Variants in VCL observed in about 807,000 individuals in gnomAD.
The protein encoded by VCL is epididymis luminal protein 114.
VCL carries 47 observed loss-of-function variants against 125.7 expected under a neutral mutation model. The ratio of observed to expected loss-of-function variants is 0.37; its 90% CI spans 0.30 to 0.48. The LOEUF (loss-of-function observed/expected upper bound fraction) is 0.48. VCL is among the 20% of genes least tolerant of loss of function. VCL has a pLI of 0.99. For missense variants in VCL, 1,069 were observed against 1,455.5 expected (o/e 0.73, Z 4.32); for synonymous variants, 458 against 514.6 (o/e 0.89, Z 1.49).
At chr10:74,007,739 A>G (rs1450264333) in intron 1 of VCL, among the ~76,000 whole-genome samples, 1 of 151,830 alleles carries the variant, frequency 6.6e-6, no homozygotes, top group African/African-American at 2.4e-5. Flanking sequence ...CAAGTGATCC[A>G]CCTGCCTTGG....
rs1839839382 is a variant in VCL at position 74,089,303 on chromosome 10, T to C, written c.1130T>C (p.Met377Thr). Residue 377 changes from methionine to threonine, a missense_variant, in exon 9 of 22, where the codon ATG becomes ACG. Physicochemically the swap from Met to Thr is moderately conservative, Grantham distance 81. Around this residue, in one of 6 missense-constraint regions of VCL, gnomAD observed 760 missense variants for 928.9 expected, o/e 0.82. Transcript: ENST00000211998. ...VENAARKLEAMTNSKQSIAKK... is the reference protein window; with the variant it reads ...VENAARKLEATTNSKQSIAKK... ...AATGCAGCTCGCAAGCTGGAAGCCA[T>C]GACCAACTCAAAGCAGAGCATTGCA... 1 of 1,614,030 alleles carries C rather than the reference T, an allele frequency of 6.2e-7. No homozygotes were observed. Among genetic ancestry groups the C allele is most frequent in the Non-Finnish European group, 8.5e-7 (1 of 1,180,044 alleles).
At chr10:74,116,702 T>TAATAA (rs1295424373) in intron 21 of VCL, among the ~76,000 whole-genome samples, 9 of 144,402 alleles carry the variant, frequency 6.2e-5, no homozygotes, top group East Asian at 5.9e-4. Context: ...AAAAAAATAA[T>TAATAA]AATAAAATAA....
intron 6 of VCL, 111 bp from the exon 7 acceptor site, chr10:74,082,343 C>A: frequency 1.8e-6 from 2 of 1,142,142 alleles, no homozygotes; most frequent in Non-Finnish European, 2.6e-6. Flanking sequence ...CTTCGTAGGA[C>A]TGACTACCTT....
intron 13 of VCL, among the ~76,000 whole-genome samples, chr10:74,099,890 A>G (rs1347380930): frequency 6.6e-6 from 1 of 152,166 alleles, no homozygotes; most frequent in Non-Finnish European, 1.5e-5. Flanking sequence ...TGGCGTGGGG[A>G]AGAGACTTGA....
intron 1 of VCL, among the ~76,000 whole-genome samples, chr10:74,037,999 CT>C (rs56198344): frequency 0.45 from 57,731 of 128,456 alleles, 11,478 homozygotes; most frequent in African/African-American, 0.58. Context: ...CTTTTCTTTT[CT>C]TTTTTTTTTT....
At chr10:74,073,739 A>T (rs899300044) in intron 5 of VCL, among the ~76,000 whole-genome samples, 8 of 152,200 alleles carry the variant, frequency 5.3e-5, no homozygotes, top group African/African-American at 1.9e-4. Flanking sequence ...AGCAAAAGGG[A>T]GTAGCACTTA....
At chr10:74,051,080 C>T (rs1025315780) in intron 2 of VCL, among the ~76,000 whole-genome samples, 2 of 151,816 alleles carry the variant, frequency 1.3e-5, no homozygotes, top group African/African-American at 4.8e-5. Flanking sequence ...GCTGGGATTA[C>T]AGGCATATGC....
intron 2 of VCL, among the ~76,000 whole-genome samples, chr10:74,061,666 G>T (rs1301685978): frequency 5.3e-5 from 8 of 152,134 alleles, no homozygotes; most frequent in African/African-American, 1.7e-4. Flanking sequence ...ATATTAGGTT[G>T]CTTGGAGTTG....
intron 6 of VCL, among the ~76,000 whole-genome samples, chr10:74,082,216 A>G (rs1341318261): frequency 6.6e-6 from 1 of 152,222 alleles, no homozygotes; most frequent in African/African-American, 2.4e-5. Context: ...TTTTAGCAAT[A>G]GGGAACCCAA....
chr10:74,071,014 T>C lies in VCL; in HGVS notation c.430T>C (p.Tyr144His), dbSNP rs1360745004. 4 of 1,614,200 alleles carry C rather than the reference T, an allele frequency of 2.5e-6. No homozygotes were observed. Among genetic ancestry groups the C allele is most frequent in the South Asian group, 1.1e-5 (1 of 91,088 alleles). ...TAGAGTTTGCAAAGGAATTTTGGAA[T>C]ATCTTACAGTGGCAGAGGTGGTGGA... The part of the protein sequence containing the change: ...IIRVCKGILE[Y>H]LTVAEVVETM... Residue 144 changes from tyrosine to histidine, a missense_variant, in exon 4 of 22, where the codon TAT becomes CAT. Coordinates refer to ENST00000211998, the MANE Select transcript of VCL (RefSeq NM_014000.3). The surrounding 1 kb of genome is among the most constrained non-coding windows in gnomAD (Gnocchi z 4.1).
intron 9 of VCL, 47 bp from the exon 10 acceptor site, chr10:74,089,976 G>A: frequency 1.9e-6 from 3 of 1,610,994 alleles, no homozygotes; most frequent in African/African-American, 1.3e-5. Flanking sequence ...GTAGAAAGGA[G>A]TGTGTGAGTA....
At chr10:74,048,891 C>CG (rs1342718249) in intron 2 of VCL, among the ~76,000 whole-genome samples, 3 of 151,934 alleles carry the variant, frequency 2.0e-5, no homozygotes, top group Non-Finnish European at 4.4e-5. Context: ...GAGGCCGAGG[C>CG]GGGGGGATTG....
chr10:73,999,201 C>T (rs1840177887), intron 1 of VCL, among the ~76,000 whole-genome samples: 1 of 152,226 alleles, frequency 6.6e-6, no homozygotes, highest in Non-Finnish European at 1.5e-5. Context: ...CCCTCCTTGG[C>T]CCCTCCTCCT....
chr10:73,998,566 T>G (rs891958704), intron 1 of VCL, among the ~76,000 whole-genome samples, 191 bp downstream of exon 1: 2 of 152,208 alleles, frequency 1.3e-5, no homozygotes, highest in African/African-American at 4.8e-5. Context: ...TCTCCGGGCC[T>G]CAGTGTCCTC....
chr10:74,037,315 C>T (rs534495983), intron 1 of VCL, among the ~76,000 whole-genome samples: 1 of 152,278 alleles, frequency 6.6e-6, no homozygotes, highest in Admixed American at 6.5e-5. Flanking sequence ...CATTTTCTGT[C>T]ATCAATGGGT....
At position 74,074,941 on chromosome 10, in the gene VCL, A is replaced by T. The variant is rs200376980; in HGVS notation, c.783+38A>T. On this transcript the variant is annotated intron_variant, in intron 6 of 21. Coordinates refer to ENST00000211998, the MANE Select transcript of VCL (RefSeq NM_014000.3). ...AGTGGAGAAATAAGCAAAATCCCCA[A>T]CTCTCCCTGGCTGGGGGTTTTGATT... is the stretch of plus-strand genomic sequence containing the variant. 5.1e-5 allele frequency: 83 copies of T among 1,612,634 alleles called. 1 individual carries two copies. In the African/African-American group the frequency reaches 9.0e-4, roughly 17 times the overall value.
At chr10:74,077,716 G>C (rs1839613877) in intron 6 of VCL, 1 of 455,770 alleles carries the variant, frequency 2.2e-6, no homozygotes, top group African/African-American at 2.0e-5. Flanking sequence ...CTTCTGGAAA[G>C]TGATGATTCC....
rs868007438 is a variant in VCL, at chr10:74,089,241, A to T, written c.1068A>T (p.Val356=). The change falls in exon 9 of 22, where the codon GTA becomes GTT. Residue 356 remains valine, a synonymous_variant. Transcript: ENST00000211998. ...TGGCCATGCAGAAAGCTCAGCAGGT[A>T]TCTCAGGGTCTGGATGTGCTCACAG... is the stretch of plus-strand genomic sequence containing the variant. ...SPVAMQKAQQ[V]SQGLDVLTAK... is the part of the protein sequence containing the mutation. The T allele has an allele frequency of 6.2e-7, 1 of 1,614,162 alleles. No individual in the cohort carries two copies. Among genetic ancestry groups the T allele is most frequent in the Non-Finnish European group, 8.5e-7 (1 of 1,180,014 alleles).
chr10:74,051,967 G>A (rs1368244922), intron 2 of VCL, among the ~76,000 whole-genome samples: 1 of 152,168 alleles, frequency 6.6e-6, no homozygotes, highest in African/African-American at 2.4e-5. Context: ...CGTGCCCAGA[G>A]TAGCAGCTCA....
Sources: gnomAD v4.1 joint callset for allele counts (sites outside exome capture counted in the v4.1 genomes callset) on GRCh38, gnomAD v4.1.1 for gene constraint, gnomAD v4.1.1 regional missense constraint, Gnocchi (gnomAD v3.1) non-coding constraint, MANE v1.5 for transcripts, NCBI Gene and HGNC (gene_info 2026-07-23, HGNC 2026-07-21) for gene names.